Variants in ATE1 observed in about 807,000 individuals in gnomAD.
ATE1 encodes the protein arginyltransferase 1, also known as arginyl-tRNA--protein transferase 1.
Under a neutral mutation model 70.5 loss-of-function variants are expected in ATE1, and 36 were observed. The observed-to-expected ratio is 0.51, with a 90% confidence interval of 0.39 to 0.67. The LOEUF (loss-of-function observed/expected upper bound fraction) is 0.67. Among genes scored for constraint, ATE1 ranks in the 30% least tolerant of loss-of-function variants. The pLI, the probability that ATE1 is intolerant of heterozygous loss-of-function variation, is 0.00. For missense variants in ATE1, 593 were observed against 629.5 expected (o/e 0.94, Z 0.62); for synonymous variants, 232 against 219.3 (o/e 1.06, Z -0.51).
chr10:121,772,760 A>G (rs1255561722), intron 11 of ATE1, among the ~76,000 whole-genome samples: 4 of 152,250 alleles, frequency 2.6e-5, no homozygotes, highest in Admixed American at 6.5e-5. Context: ...GCTTAAGCAG[A>G]ATTTACAGAT....
chr10:121,885,168 C>T (rs529409618), intron 7 of ATE1, among the ~76,000 whole-genome samples: 1 of 132,290 alleles, frequency 7.6e-6, no homozygotes, highest in East Asian at 2.4e-4. Context: ...GACTGAGGCA[C>T]AAGAATTGCT....
chr10:121,823,086 C>A (rs1040666858), intron 10 of ATE1, among the ~76,000 whole-genome samples: 1 of 151,972 alleles, frequency 6.6e-6, no homozygotes, highest in Admixed American at 6.6e-5. Flanking sequence ...GTCAGGAGAT[C>A]GAGACCATCC....
At chr10:121,753,768 G>A (rs1362951383) in intron 11 of ATE1, among the ~76,000 whole-genome samples, 4 of 152,118 alleles carry the variant, frequency 2.6e-5, no homozygotes, top group East Asian at 1.9e-4. Context: ...TAATAAAGGC[G>A]AGGCTTAAAA....
At chr10:121,881,524 G>A (rs748723582) in intron 7 of ATE1, among the ~76,000 whole-genome samples, 11 of 152,036 alleles carry the variant, frequency 7.2e-5, no homozygotes, top group African/African-American at 1.2e-4. Flanking sequence ...GCACTAGAGC[G>A]TGACTGTAGT....
In ATE1 at chr10:121,747,596, T is replaced by C. The variant is rs192443369; in HGVS notation, c.1379-3738A>G. ...GTGTCTTCCTACTACTGCTAATCTC[T>C]GGGTCACCTTTCTGTGCCTTGCTTG... On this transcript the variant is annotated intron_variant, in intron 11 of 11. Coordinates refer to ENST00000224652, the MANE Select transcript of ATE1 (RefSeq NM_001001976.3). 6.6e-5 allele frequency among the ~76,000 whole-genome samples: 10 copies of C among 152,344 alleles called. No individual in the cohort carries two copies. In the East Asian group the frequency reaches 1.9e-3, roughly 29 times the overall value.
intron 7 of ATE1, among the ~76,000 whole-genome samples, chr10:121,893,712 A>C (rs1464073830): frequency 6.6e-6 from 1 of 152,234 alleles, no homozygotes; most frequent in East Asian, 1.9e-4. Context: ...CTCTATCTTA[A>C]ATACTAGAGC....
At chr10:121,826,754 C>G (rs997372559) in intron 10 of ATE1, among the ~76,000 whole-genome samples, 3 of 152,202 alleles carry the variant, frequency 2.0e-5, no homozygotes, top group Non-Finnish European at 4.4e-5. Context: ...AGTTTTTCAG[C>G]CCTTGCCACC....
At chr10:121,840,989 G>A (rs1948608018) in intron 9 of ATE1, 93 bp downstream of exon 9, 2 of 1,137,048 alleles carry the variant, frequency 1.8e-6, no homozygotes, top group South Asian at 2.9e-5. Flanking sequence ...TGTCAATTAG[G>A]ACTTCTACTG....
At chr10:121,905,076 G>A (rs1027890881) in intron 5 of ATE1, among the ~76,000 whole-genome samples, 2 of 152,160 alleles carry the variant, frequency 1.3e-5, no homozygotes, top group African/African-American at 4.8e-5. Context: ...CAAGCTGCCT[G>A]AGGTCATGGA....
chr10:121,774,138 C>G (rs1007466910), intron 11 of ATE1, among the ~76,000 whole-genome samples: 24 of 151,962 alleles, frequency 1.6e-4, no homozygotes, highest in Admixed American at 6.6e-4. Flanking sequence ...TGCAAGAGAG[C>G]CTTTGGTTTA....
At chr10:121,852,583 T>C (rs1053944569) in intron 8 of ATE1, among the ~76,000 whole-genome samples, 1 of 151,806 alleles carries the variant, frequency 6.6e-6, no homozygotes, top group Non-Finnish European at 1.5e-5. Context: ...TGGTGGCAGG[T>C]GTCTGTAATC....
intron 11 of ATE1, among the ~76,000 whole-genome samples, chr10:121,764,604 A>G (rs774197099): frequency 4.1e-4 from 63 of 152,198 alleles, no homozygotes; most frequent in Non-Finnish European, 7.8e-4. Context: ...TGACTTAATT[A>G]TAACTACATA....
At chr10:121,884,829 C>T (rs913659391) in intron 7 of ATE1, among the ~76,000 whole-genome samples, 1 of 152,162 alleles carries the variant, frequency 6.6e-6, no homozygotes. Context: ...TGTCTTGTCA[C>T]GGACCTTGAC....
At chr10:121,770,728 C>T (rs1461679565) in intron 11 of ATE1, among the ~76,000 whole-genome samples, 2 of 79,862 alleles carry the variant, frequency 2.5e-5, no homozygotes, top group African/African-American at 4.1e-5. Flanking sequence ...AAGATATTTC[C>T]TTAACTAAAA....
chr10:121,853,143 T>C (rs1406808641), intron 8 of ATE1, among the ~76,000 whole-genome samples: 1 of 152,072 alleles, frequency 6.6e-6, no homozygotes, highest in Non-Finnish European at 1.5e-5. Context: ...GGTGGGCCGA[T>C]CACGAGGTCA....
At chr10:121,827,314 T>C (rs771567501) in intron 10 of ATE1, among the ~76,000 whole-genome samples, 75 of 152,094 alleles carry the variant, frequency 4.9e-4, no homozygotes, top group Non-Finnish European at 1.1e-3. Context: ...GCCCAGCAAA[T>C]TTTTTTTAAA....
chr10:121,748,678 T>C (rs1314167392), intron 11 of ATE1, among the ~76,000 whole-genome samples: 3 of 152,194 alleles, frequency 2.0e-5, no homozygotes, highest in East Asian at 1.9e-4. Flanking sequence ...CAAAACACTT[T>C]TGAGGCCTAG....
chr10:121,821,828 C>T (rs1387471540), intron 10 of ATE1, among the ~76,000 whole-genome samples: 2 of 152,198 alleles, frequency 1.3e-5, no homozygotes, highest in East Asian at 3.8e-4. Flanking sequence ...ATGCAGTGAG[C>T]TGAGACTGCG....
chr10:121,798,901 G>GAAA (rs66790507), intron 10 of ATE1, among the ~76,000 whole-genome samples: 1 of 105,648 alleles, frequency 9.5e-6, no homozygotes, highest in Non-Finnish European at 1.9e-5. Flanking sequence ...TCTGTCTCAA[G>GAAA]AAAAAAAAAA....
Sources: allele counts gnomAD v4.1 joint callset (sites outside exome capture counted in the v4.1 genomes callset), GRCh38; gene constraint gnomAD v4.1.1; transcripts MANE v1.5; gene names NCBI Gene and HGNC (gene_info 2026-07-23, HGNC 2026-07-21).